The following OSGIN1 variants were observed in gnomAD, a reference collection of about 807,000 sequenced individuals.
OSGIN1 encodes the protein oxidative stress-induced growth inhibitor 1.
In OSGIN1, 19 loss-of-function variants were observed where a neutral mutation model predicts 20.1. The observed-to-expected ratio is 0.95, with a 90% CI of 0.66 to 1.39. The LOEUF (loss-of-function observed/expected upper bound fraction) is 1.39. Among genes scored for constraint, OSGIN1 ranks in the 40% most tolerant of loss-of-function variants. The probability of loss-of-function intolerance (pLI) is 0.00; values close to 1 mark genes in which losing one functional copy is unlikely to be tolerated. For missense variants in OSGIN1, 820 were observed against 653.0 expected (o/e 1.26, Z -2.79); for synonymous variants, 368 against 297.8 (o/e 1.24, Z -2.43).
In OSGIN1 at chr16:83,965,127, A is replaced by C; in HGVS notation, c.554A>C (p.Lys185Thr). ...IAHYYRDYVV[K>T]KGLGHNFVSG... is the part of the protein sequence containing the mutation. ...CACTACTACAGGGACTACGTGGTCA[A>C]GAAGGGTCTGGGGCATAACTTTGTG... is the stretch of plus-strand genomic sequence containing the variant. Residue 185 changes from lysine (K) to threonine (T), a missense_variant, in exon 6 of 6, where the codon AAG becomes ACG. Coordinates refer to ENST00000393306, the MANE Select transcript of OSGIN1 (RefSeq NM_182981.3). 1.2e-6 allele frequency: 2 copies of C among 1,613,446 alleles called. No individual in the cohort carries two copies. The highest frequency in any genetic ancestry group is 1.7e-6 in the Non-Finnish European group (2 of 1,179,970).
chr16:83,962,007 C>G (rs142258609), intron 5 of OSGIN1, among the ~76,000 whole-genome samples: 4,042 of 149,752 alleles, frequency 0.027, 60 homozygotes, highest in Middle Eastern at 0.038. Context: ...GAGTTTCATC[C>G]TTAACCATGA....
At position 83,953,345 on chromosome 16, in the gene OSGIN1, T is replaced by G; in HGVS notation, c.-58T>G. On this transcript the variant is annotated 5_prime_UTR_variant, in exon 1 of 6. Transcript: ENST00000393306. Reference sequence around the variant, plus strand: ...TAGTGCACAACTTGGCCGGGCTCACTGGGCTCCTGCACCACTGCCTGTCAG... The same window carrying G: ...TAGTGCACAACTTGGCCGGGCTCACGGGGCTCCTGCACCACTGCCTGTCAG... 7.8e-7 allele frequency: 1 copy of G among 1,288,936 alleles called. No homozygotes were observed. The highest frequency in any genetic ancestry group is 1.0e-6 in the Non-Finnish European group (1 of 988,574). 79.8% of individuals were successfully genotyped at this position (1,288,936 alleles called of 1,614,324 possible). A position where few individuals can be genotyped will look rare whatever the true frequency, so the allele number is the denominator to read the frequency against.
chr16:83,961,297 A>C, intron 5 of OSGIN1: 1 of 526,422 alleles, frequency 1.9e-6, no homozygotes, highest in Non-Finnish European at 3.4e-6. Context: ...ATTTGTAAGA[A>C]GTACATTGGT....
chr16:83,964,310 TTAAAATAAAATAAAA>T (rs1555544650), intron 5 of OSGIN1, among the ~76,000 whole-genome samples: 20 of 151,364 alleles, frequency 1.3e-4, no homozygotes, highest in Admixed American at 4.6e-4. Context: ...TCTCAAAAAA[TTAAAATAAAATAAAA>T]TAAAATAAAA....
rs1909156730 is a variant in OSGIN1, at chr16:83,960,577, C to G, written c.213C>G (p.Asp71Glu). ...CCTATGCCCCCCTCCAGGACCTGGA[C>G]TACCTGTCCGAAGGCCTCGAAGGCC... ...PGVSILDQDL[D>E]YLSEGLEGRS... The change falls in exon 4 of 6, where the codon GAC becomes GAG. Residue 71 changes from aspartate to glutamate, a missense_variant. Physicochemically the swap from Asp to Glu is conservative, Grantham distance 45. Transcript: ENST00000393306. 1 of 1,613,066 alleles carries G rather than the reference C, an allele frequency of 6.2e-7. No homozygotes were observed. The highest frequency in any genetic ancestry group is 8.5e-7 in the Non-Finnish European group (1 of 1,179,842).
At chr16:83,960,471 G>C in intron 3 of OSGIN1, 98 bp from the exon 4 acceptor site, 1 of 919,264 alleles carries the variant, frequency 1.1e-6, no homozygotes, top group Non-Finnish European at 1.7e-6. Flanking sequence ...CCAGGGAAAT[G>C]GCCCGGCCCC....
chr16:83,960,628 C>G lies in OSGIN1; in HGVS notation c.264C>G (p.Leu88=), dbSNP rs1407649412. ...GATCCCAAAGCCCCGTGGCCCTGCT[C>G]TTTGATGCCCTTCTACGCCCAGACA... ...EGRSQSPVAL[L]FDALLRPDTD... Residue 88 remains leucine (L), a synonymous_variant, in exon 4 of 6, where the codon CTC becomes CTG. Coordinates refer to ENST00000393306, the MANE Select transcript of OSGIN1 (RefSeq NM_182981.3). The G allele has an allele frequency of 2.5e-6, 4 of 1,613,472 alleles. No individual in the cohort carries two copies. Among genetic ancestry groups the G allele is most frequent in the African/African-American group, 2.7e-5 (2 of 74,954 alleles).
Position 83,965,756 on chromosome 16 carries a change from C to G in OSGIN1, c.1183C>G (p.Leu395Val). 1.2e-6 allele frequency: 2 copies of G among 1,613,432 alleles called. No homozygotes were observed. The highest frequency in any genetic ancestry group is 1.7e-6 in the Non-Finnish European group (2 of 1,179,952). The change falls in exon 6 of 6, where the codon CTC (leucine) becomes GTC (valine). Residue 395 changes from leucine to valine, a missense_variant. By Grantham distance (32) the Leu-to-Val change is conservative (BLOSUM62 1). Transcript: ENST00000393306. ...KVFGVSLVLVLIGSHPDLSFL... is the reference protein window; with the variant it reads ...KVFGVSLVLVVIGSHPDLSFL... ...GTTTGGGGTCTCCCTGGTGCTGGTC[C>G]TCATCGGCTCCCACCCCGACCTCTC... is the stretch of plus-strand genomic sequence containing the variant.
Position 83,960,699 on chromosome 16 carries a change from G to T in OSGIN1, c.335G>T (p.Arg112Leu). The change falls in exon 4 of 6, where the codon CGG (arginine) becomes CTG (leucine). Residue 112 changes from arginine (R) to leucine (L), a missense_variant. Transcript: ENST00000393306. ...AAGTCGGTCCTCACCTGGAAGCACC[G>T]GAAGGAGCACGCCATCCCCCACGTG... is the stretch of plus-strand genomic sequence containing the variant. ...NMKSVLTWKH[R>L]KEHAIPHVVL... 6.2e-7 allele frequency: 1 copy of T among 1,613,568 alleles called. No individual in the cohort carries two copies. The highest frequency in any genetic ancestry group is 8.5e-7 in the Non-Finnish European group (1 of 1,180,034).
chr16:83,964,999 TCCCACCCA>T, intron 5 of OSGIN1, 55 bp from the exon 6 acceptor site: 1 of 645,914 alleles, frequency 1.5e-6, no homozygotes, highest in Non-Finnish European at 2.7e-6. Flanking sequence ...ACATCTCCCG[TCCCACCCA>T]GCCCCCCAAC....
Position 83,957,644 on chromosome 16 carries a change from G to T in OSGIN1, c.-28G>T, listed in dbSNP as rs754664103. 3.2e-6 allele frequency: 5 copies of T among 1,567,982 alleles called. No homozygotes were observed. Among genetic ancestry groups the T allele is most frequent in the African/African-American group, 1.4e-5 (1 of 73,560 alleles). ...TTCCCCTCTCCCCCACTCCAGGTCC[G>T]CTGCCAGCCCCAAGCCCCCCACCAG... On this transcript the variant is annotated 5_prime_UTR_variant, in exon 2 of 6. Transcript: ENST00000393306.
At chr16:83,956,491 C>A (rs368991649) in intron 1 of OSGIN1, among the ~76,000 whole-genome samples, 14 of 152,252 alleles carry the variant, frequency 9.2e-5, no homozygotes, top group African/African-American at 2.9e-4. Flanking sequence ...GAGTGTGACA[C>A]CTGGATGGGC....
intron 3 of OSGIN1, 47 bp from the exon 4 acceptor site, chr16:83,960,522 G>C (rs368262887): frequency 6.6e-7 from 1 of 1,514,558 alleles, no homozygotes. Flanking sequence ...CTGGGAAGAC[G>C]ACCCCGCCCT....
Position 83,957,622 on chromosome 16 carries a change from C to G in OSGIN1, c.-32-18C>G. Reference sequence around the variant, plus strand: ...CCTCACCCGAATGGACTCTTCCTTCCCCTCTCCCCCACTCCAGGTCCGCTG... The same window carrying G: ...CCTCACCCGAATGGACTCTTCCTTCGCCTCTCCCCCACTCCAGGTCCGCTG... On this transcript the variant is annotated intron_variant, in intron 1 of 5. Coordinates refer to ENST00000393306, the MANE Select transcript of OSGIN1 (RefSeq NM_182981.3). 1 of 1,298,764 alleles carries G rather than the reference C, an allele frequency of 7.7e-7. No homozygotes were observed. The highest frequency in any genetic ancestry group is 2.5e-5 in the East Asian group (1 of 40,348). 80.5% of individuals were successfully genotyped at this position (1,298,764 alleles called of 1,614,324 possible).
At position 83,961,046 on chromosome 16, in the gene OSGIN1, C is replaced by G. The variant is rs1420733068; in HGVS notation, c.462C>G (p.Val154=). ...GGATGGGGCTCCCGGACCTGGAGGT[C>G]AAGGACTGGATGCAGAAGAAGCGAA... ...GQWMGLPDLE[V]KDWMQKKRRG... is the part of the protein sequence containing the mutation. Residue 154 remains valine (V), a synonymous_variant, in exon 5 of 6, where the codon GTC becomes GTG. Transcript: ENST00000393306. The G allele has an allele frequency of 1.2e-6, 2 of 1,613,496 alleles. No individual in the cohort carries two copies. The highest frequency in any genetic ancestry group is 8.5e-7 in the Non-Finnish European group (1 of 1,179,964).
At chr16:83,955,274 C>A (rs1303409389) in intron 1 of OSGIN1, among the ~76,000 whole-genome samples, 1 of 152,170 alleles carries the variant, frequency 6.6e-6, no homozygotes, top group East Asian at 1.9e-4. Context: ...GTATACTCAG[C>A]ACCCAGAGTC....
chr16:83,953,696 C>G (rs1370183791), intron 1 of OSGIN1, among the ~76,000 whole-genome samples: 1 of 152,194 alleles, frequency 6.6e-6, no homozygotes, highest in African/African-American at 2.4e-5. Flanking sequence ...CCCGGGCTTA[C>G]TGCCCAGCTG....
chr16:83,964,623 C>G (rs1259817726), intron 5 of OSGIN1, among the ~76,000 whole-genome samples: 1 of 152,194 alleles, frequency 6.6e-6, no homozygotes, highest in African/African-American at 2.4e-5. Flanking sequence ...ATGGCACTTA[C>G]TTCCAGTCAG....
At chr16:83,962,582 A>C (rs914695846) in intron 5 of OSGIN1, among the ~76,000 whole-genome samples, 1 of 152,248 alleles carries the variant, frequency 6.6e-6, no homozygotes, top group African/African-American at 2.4e-5. Flanking sequence ...ACGCACAACC[A>C]TGACACAGCC....
Sources: allele counts gnomAD v4.1 joint callset (sites outside exome capture counted in the v4.1 genomes callset), GRCh38; gene constraint gnomAD v4.1.1; transcripts MANE v1.5; gene names NCBI Gene and HGNC (gene_info 2026-07-23, HGNC 2026-07-21).